The following PEX5L variants were observed in gnomAD, a reference collection of about 807,000 sequenced individuals.
PEX5L encodes PEX5-related protein.
A neutral mutation model predicts 84.0 loss-of-function variants in PEX5L; 30 were observed. That is an observed-to-expected ratio of 0.36 (90% CI 0.27 to 0.48). PEX5L has a LOEUF of 0.48. PEX5L is among the 20% of genes least tolerant of loss of function. The pLI is 0.99. For missense variants in PEX5L, 533 were observed against 754.6 expected (o/e 0.71, Z 3.44); for synonymous variants, 270 against 283.1 (o/e 0.95, Z 0.46).
At chr3:179,947,964 C>G (rs972725963) in intron 2 of PEX5L, among the ~76,000 whole-genome samples, 4 of 151,944 alleles carry the variant, frequency 2.6e-5, no homozygotes, top group African/African-American at 9.7e-5. Context: ...CCTCGGCCTC[C>G]CAAAGTGCTG....
chr3:179,900,801 T>C, intron 2 of PEX5L: 2 of 1,148,060 alleles, frequency 1.7e-6, no homozygotes, highest in South Asian at 1.3e-5. Flanking sequence ...CAGCCTTTTT[T>C]GGCTTTTGCG....
At chr3:179,867,171 T>C (rs975838441) in intron 7 of PEX5L, among the ~76,000 whole-genome samples, 1 of 152,138 alleles carries the variant, frequency 6.6e-6, no homozygotes, top group Non-Finnish European at 1.5e-5. Flanking sequence ...AAATTCTATG[T>C]TGAAGAATAT....
intron 2 of PEX5L, among the ~76,000 whole-genome samples, chr3:179,907,132 T>C (rs532060756): frequency 4.6e-5 from 7 of 152,280 alleles, no homozygotes; most frequent in African/African-American, 1.7e-4. Flanking sequence ...ATGATTACCT[T>C]TGGAATTCTT....
chr3:179,956,898 C>A (rs1780708973), intron 2 of PEX5L, among the ~76,000 whole-genome samples: 1 of 72,650 alleles, frequency 1.4e-5, no homozygotes, highest in Non-Finnish European at 2.5e-5. Flanking sequence ...TAGTAATGTA[C>A]ATGATTTTTT....
chr3:179,980,601 G>A (rs540836066), intron 1 of PEX5L, among the ~76,000 whole-genome samples: 372 of 152,202 alleles, frequency 2.4e-3, no homozygotes, highest in African/African-American at 8.3e-3. Flanking sequence ...GAGGGTAGGC[G>A]TGCCTACCAT....
At chr3:179,913,065 T>C (rs1246850659) in intron 2 of PEX5L, among the ~76,000 whole-genome samples, 1 of 152,134 alleles carries the variant, frequency 6.6e-6, no homozygotes, top group Non-Finnish European at 1.5e-5. Context: ...AGAAAAGGTG[T>C]TTTGTTCCCT....
chr3:179,802,113 TTAAG>T, intron 14 of PEX5L, 81 bp from the exon 15 acceptor site: 1 of 944,758 alleles, frequency 1.1e-6, no homozygotes, highest in Non-Finnish European at 1.7e-6. Context: ...CAAAATTGGA[TTAAG>T]TGATTTTAAT....
chr3:179,851,222 C>G (rs1741721311), intron 8 of PEX5L, among the ~76,000 whole-genome samples: 1 of 152,182 alleles, frequency 6.6e-6, no homozygotes. Context: ...GGCTTATAAA[C>G]AGCAAACATT....
At chr3:179,871,098 T>C (rs1750166748) in intron 7 of PEX5L, among the ~76,000 whole-genome samples, 1 of 134,822 alleles carries the variant, frequency 7.4e-6, no homozygotes, top group African/African-American at 2.9e-5. Context: ...ATTTGAGTTA[T>C]ACTTTTTTTT....
At chr3:180,008,946 AATATGTTTG>A (rs1264110992) in intron 1 of PEX5L, among the ~76,000 whole-genome samples, 4 of 152,230 alleles carry the variant, frequency 2.6e-5, no homozygotes, top group Non-Finnish European at 4.4e-5. Context: ...TGTTTTGATT[AATATGTTTG>A]CATACTTCAG....
rs1362367762 is a variant in PEX5L, at chr3:179,796,068, G to A, written c.*5760C>T. Reference sequence around the variant, plus strand: ...TCTTGTATGGTATCCATGCAGAAATGCTATATATCTCAGTGAAAATGCCAA... The same window carrying A: ...TCTTGTATGGTATCCATGCAGAAATACTATATATCTCAGTGAAAATGCCAA... On this transcript the variant is annotated 3_prime_UTR_variant, in exon 15 of 15. Coordinates refer to ENST00000467460, the MANE Select transcript of PEX5L (RefSeq NM_016559.3). 2 of 152,136 alleles carry A rather than the reference G, an allele frequency of 1.3e-5. No homozygotes were observed. The highest frequency in any genetic ancestry group is 1.3e-4 in the Admixed American group (2 of 15,272). The allele number at this position is 152,136 out of a possible 1,614,324, so 9.4% of individuals were successfully genotyped here.
chr3:179,987,915 G>C (rs1435252438), intron 1 of PEX5L, among the ~76,000 whole-genome samples: 3 of 152,096 alleles, frequency 2.0e-5, no homozygotes, highest in Non-Finnish European at 4.4e-5. Context: ...GTCAAATCAG[G>C]GTTCTAGCCT....
chr3:179,886,712 C>A (rs935435091), intron 4 of PEX5L, among the ~76,000 whole-genome samples: 2 of 152,164 alleles, frequency 1.3e-5, no homozygotes, highest in Non-Finnish European at 2.9e-5. Context: ...ATGCTAGTTA[C>A]TCTTCTTGTA....
rs1718205570 is a variant in PEX5L at position 179,799,419 on chromosome 3, G to C, written c.*2409C>G. On this transcript the variant is annotated 3_prime_UTR_variant, in exon 15 of 15. Transcript: ENST00000467460. ...CAAATAATGGTAAGAATGGAAGATTGTTTAGTCTTCCCTAAAACAGCTCCT... is the reference window on the plus strand; with the variant it reads ...CAAATAATGGTAAGAATGGAAGATTCTTTAGTCTTCCCTAAAACAGCTCCT... The C allele has an allele frequency of 6.6e-6, 1 of 152,160 alleles. No individual in the cohort carries two copies. The highest frequency in any genetic ancestry group is 1.5e-5 in the Non-Finnish European group (1 of 68,018). 9.4% of individuals were successfully genotyped at this position (152,160 alleles called of 1,614,324 possible).
intron 2 of PEX5L, among the ~76,000 whole-genome samples, chr3:179,942,017 C>CAAAA (rs11447396): frequency 0.034 from 3,052 of 88,838 alleles, 121 homozygotes; most frequent in Admixed American, 0.061. Context: ...TGAGACTCCT[C>CAAAA]AAAAAAAAAA....
intron 2 of PEX5L, among the ~76,000 whole-genome samples, chr3:179,907,700 T>C: frequency 6.6e-6 from 1 of 152,194 alleles, no homozygotes; most frequent in Non-Finnish European, 1.5e-5. Context: ...TATCCAGATG[T>C]CATAAGGTAG....
chr3:179,982,859 T>A (rs1374278488), intron 1 of PEX5L, among the ~76,000 whole-genome samples: 1 of 152,076 alleles, frequency 6.6e-6, no homozygotes, highest in African/African-American at 2.4e-5. Flanking sequence ...TAAAATGCCA[T>A]GGATGGTACC....
intron 4 of PEX5L, among the ~76,000 whole-genome samples, chr3:179,885,436 G>A (rs1560537060): frequency 6.6e-6 from 1 of 152,070 alleles, no homozygotes; most frequent in Admixed American, 6.6e-5. Flanking sequence ...CACAAGGTCA[G>A]GAGATTGAGA....
At chr3:180,006,568 T>C (rs1170371091) in intron 1 of PEX5L, among the ~76,000 whole-genome samples, 1 of 152,162 alleles carries the variant, frequency 6.6e-6, no homozygotes, top group Non-Finnish European at 1.5e-5. Context: ...TACCATTTCT[T>C]GTGAATTAGT....
Sources: gnomAD v4.1 joint callset for allele counts (sites outside exome capture counted in the v4.1 genomes callset) on GRCh38, gnomAD v4.1.1 for gene constraint, MANE v1.5 for transcripts, NCBI Gene and HGNC (gene_info 2026-07-23, HGNC 2026-07-21) for gene names.